Variants in MYOF observed in about 807,000 individuals in gnomAD.
MYOF encodes the protein fer-1-like 3, myoferlin.
A neutral mutation model predicts 284.2 loss-of-function variants in MYOF; 244 were observed. That is an observed-to-expected ratio of 0.86 (90% CI 0.77 to 0.95). The LOEUF (loss-of-function observed/expected upper bound fraction) is 0.95, where lower values mean the gene tolerates loss of function less well. Ranked by LOEUF, MYOF falls within the 40% of genes least tolerant of loss-of-function variation. The pLI is 0.00. For missense variants in MYOF, 2,496 were observed against 2,560.6 expected (o/e 0.97, Z 0.54); for synonymous variants, 904 against 919.7 (o/e 0.98, Z 0.31).
At chr10:93,424,722 G>A (rs1472854334) in intron 5 of MYOF, among the ~76,000 whole-genome samples, 1 of 152,088 alleles carries the variant, frequency 6.6e-6, no homozygotes, top group African/African-American at 2.4e-5. Context: ...TGCATAAGCA[G>A]GGGCAGGGGC....
rs895860825 is a variant in MYOF, at chr10:93,425,185, C to T, written c.433+886G>A. Among the ~76,000 whole-genome samples the T allele has an allele frequency of 2.6e-5, 4 of 152,012 alleles. No individual in the cohort carries two copies. The East Asian group carries it at 5.8e-4, about 22-fold the overall frequency. ...CGAACTCCTGACCCCAGGTGATTCACCTGCCTTGGCCTCCCAAAGTGTTGG... is the reference window on the plus strand; with the variant it reads ...CGAACTCCTGACCCCAGGTGATTCATCTGCCTTGGCCTCCCAAAGTGTTGG... On this transcript the variant is annotated intron_variant, in intron 5 of 53. Coordinates refer to ENST00000359263, the MANE Select transcript of MYOF (RefSeq NM_013451.4).
chr10:93,407,327 G>A (rs769356201), intron 7 of MYOF, among the ~76,000 whole-genome samples: 28 of 150,326 alleles, frequency 1.9e-4, no homozygotes, highest in African/African-American at 6.9e-4. Context: ...TTGCGAGGCT[G>A]AGGTGAGAGA....
intron 36 of MYOF, 36 bp downstream of exon 36, chr10:93,349,772 A>T: frequency 6.2e-7 from 1 of 1,602,516 alleles, no homozygotes; most frequent in South Asian, 1.1e-5. Flanking sequence ...TCATATTTCA[A>T]CGCGCATGGG....
intron 5 of MYOF, among the ~76,000 whole-genome samples, chr10:93,417,549 A>G (rs1848186602): frequency 6.6e-6 from 1 of 151,884 alleles, no homozygotes; most frequent in Non-Finnish European, 1.5e-5. Context: ...GTGCATATCA[A>G]TGTCCCTTCT....
rs758779569 is a variant in MYOF at position 93,401,468 on chromosome 10, C to T, written c.1067G>A (p.Arg356Gln). Residue 356 changes from arginine (R) to glutamine (Q), a missense_variant, in exon 12 of 54, where the codon CGG becomes CAG. Transcript: ENST00000359263. ...GATTTTCAGCAAGAAGGTCACCCAC[C>T]GGAGGGCAATGCCAGCAGGGAGTAA... Reference protein sequence around the residue: ...NLLLPAGIALRWVTFLLKIYR... With the variant: ...NLLLPAGIALQWVTFLLKIYR... The T allele has an allele frequency of 3.2e-5, 52 of 1,614,102 alleles. No individual in the cohort carries two copies. The highest frequency in any genetic ancestry group is 1.6e-4 in the Middle Eastern group (1 of 6,062).
In MYOF at chr10:93,408,916, C is replaced by G. The variant is rs1193214996; in HGVS notation, c.601-1G>C. On this transcript the variant is annotated splice_acceptor_variant, in intron 6 of 53. Transcript: ENST00000359263. LOFTEE classifies it high-confidence loss of function. ...GGCCCTCAATCACTCGGACGCGGAT[C>G]TGCAGCACAGAAGGGGGATGGTTAC... The G allele has an allele frequency of 6.2e-7, 1 of 1,614,182 alleles. No individual in the cohort carries two copies. Among genetic ancestry groups the G allele is most frequent in the Admixed American group, 1.7e-5 (1 of 60,026 alleles).
chr10:93,394,902 A>G (rs896763458), intron 16 of MYOF, among the ~76,000 whole-genome samples: 10 of 150,642 alleles, frequency 6.6e-5, no homozygotes, highest in Non-Finnish European at 1.3e-4. Context: ...GTATATATAT[A>G]TGCATGTATA....
At chr10:93,397,125 G>A in intron 15 of MYOF, 122 bp downstream of exon 15, 1 of 744,806 alleles carries the variant, frequency 1.3e-6, no homozygotes, top group Non-Finnish European at 2.0e-6. Context: ...AGTTCCAGGA[G>A]CAATTTATCC....
Position 93,387,815 on chromosome 10 carries a change from A to G in MYOF, c.1680T>C (p.Asp560=). The G allele has an allele frequency of 1.9e-6, 3 of 1,614,012 alleles. No individual in the cohort carries two copies. Among genetic ancestry groups the G allele is most frequent in the Non-Finnish European group, 2.5e-6 (3 of 1,179,908 alleles). Residue 560 remains aspartate, a synonymous_variant, in exon 19 of 54, where the codon GAT becomes GAC. Transcript: ENST00000359263. ...CATTTACCTCAACAACCAGCAGGTC[A>G]TCATTTGAAATGGGCTCAAGCTTTT... ...PDKKLEPISN[D]DLLVVEKYQR... is the part of the protein sequence containing the mutation.
chr10:93,323,193 A>G lies in MYOF; in HGVS notation c.5361-20T>C. The stretch of plus-strand genomic sequence containing the variant: ...TAGTATCTGCAAGAAGCACAGTTGG[A>G]AGGTACTTTTTTTTCTGGTCCTGGA... On this transcript the variant is annotated intron_variant, in intron 47 of 53. Transcript: ENST00000359263. 6.2e-7 allele frequency: 1 copy of G among 1,613,822 alleles called. No homozygotes were observed. Among genetic ancestry groups the G allele is most frequent in the Non-Finnish European group, 8.5e-7 (1 of 1,179,698 alleles).
At chr10:93,389,977 A>G (rs1846597282) in intron 17 of MYOF, among the ~76,000 whole-genome samples, 1 of 152,204 alleles carries the variant, frequency 6.6e-6, no homozygotes. Context: ...ACTCTGTATA[A>G]GGCAGAACTT....
chr10:93,434,325 G>T (rs1357225872), intron 3 of MYOF, among the ~76,000 whole-genome samples: 1 of 151,782 alleles, frequency 6.6e-6, no homozygotes. Flanking sequence ...CCAGCTACTT[G>T]GGAGGCTGAG....
intron 7 of MYOF, 138 bp from the exon 8 acceptor site, chr10:93,404,357 G>GT: frequency 3.7e-6 from 3 of 810,866 alleles, no homozygotes; most frequent in Non-Finnish European, 6.0e-6. Context: ...TGAACACATG[G>GT]CAAGGCCTGG....
intron 53 of MYOF, among the ~76,000 whole-genome samples, chr10:93,307,816 G>A (rs1291437977): frequency 1.3e-5 from 2 of 150,246 alleles, no homozygotes; most frequent in Non-Finnish European, 3.0e-5. Flanking sequence ...GTAGAGACAG[G>A]GTTTCACCAT....
At chr10:93,401,841 T>A (rs1485302901) in intron 11 of MYOF, among the ~76,000 whole-genome samples, 1 of 151,434 alleles carries the variant, frequency 6.6e-6, no homozygotes, top group Non-Finnish European at 1.5e-5. Flanking sequence ...GATCCTGATG[T>A]CCCTTCAACT....
chr10:93,320,345 T>C (rs1842797974), intron 48 of MYOF, among the ~76,000 whole-genome samples: 1 of 139,594 alleles, frequency 7.2e-6, no homozygotes, highest in African/African-American at 3.4e-5. Context: ...GCTATGACTT[T>C]AGTCCTCACA....
intron 30 of MYOF, among the ~76,000 whole-genome samples, chr10:93,356,392 T>C (rs1481869996): frequency 1.3e-5 from 2 of 152,204 alleles, no homozygotes; most frequent in Non-Finnish European, 1.5e-5. Context: ...TGAATAGGTG[T>C]CACCTGAAAC....
chr10:93,466,954 G>A lies in MYOF; in HGVS notation c.89-10017C>T, dbSNP rs533546178. ...GATCAGGCCACTGCACTCCAGCCTG[G>A]GTGACAGAGCAAGACCCTATCTCAA... On this transcript the variant is annotated intron_variant, in intron 1 of 53. Transcript: ENST00000359263. Among the ~76,000 whole-genome samples, 4 of 152,120 alleles carry A rather than the reference G, an allele frequency of 2.6e-5. No individual in the cohort carries two copies. In the South Asian group the frequency reaches 8.3e-4, roughly 32 times the overall value.
chr10:93,375,312 A>T (rs10786092), intron 22 of MYOF, among the ~76,000 whole-genome samples: 2 of 152,166 alleles, frequency 1.3e-5, no homozygotes, highest in South Asian at 4.2e-4. Context: ...ATTTTACAGA[A>T]CCACAAAATG....
Sources: gnomAD v4.1 joint callset for allele counts (sites outside exome capture counted in the v4.1 genomes callset) on GRCh38, gnomAD v4.1.1 for gene constraint, MANE v1.5 for transcripts, NCBI Gene and HGNC (gene_info 2026-07-23, HGNC 2026-07-21) for gene names.